The following CSMD1 variants were observed in gnomAD, a reference collection of about 807,000 sequenced individuals.
The protein encoded by CSMD1 is CUB and Sushi multiple domains 1.
CSMD1 carries 213 observed loss-of-function variants against 417.5 expected under a neutral mutation model. The ratio of observed to expected loss-of-function variants is 0.51; its 90% confidence interval spans 0.46 to 0.57. The LOEUF (loss-of-function observed/expected upper bound fraction) is 0.57, where lower values mean the gene tolerates loss of function less well. Among genes scored for constraint, CSMD1 ranks in the 20% least tolerant of loss-of-function variants. CSMD1 has a pLI of 0.00. For missense variants in CSMD1, 6,923 were observed against 4,529.7 expected (o/e 1.53, Z -15.17); for synonymous variants, 2,862 against 1,736.8 (o/e 1.65, Z -16.11).
intron 5 of CSMD1, among the ~76,000 whole-genome samples, chr8:3,812,910 A>C (rs1801163120): frequency 6.6e-6 from 1 of 152,156 alleles, no homozygotes; most frequent in African/African-American, 2.4e-5. Context: ...GGCTGTGATA[A>C]TGTGTTTTGT....
At chr8:3,128,988 T>C (rs1383434805) in intron 41 of CSMD1, 1 of 391,930 alleles carries the variant, frequency 2.6e-6, no homozygotes, top group Non-Finnish European at 5.0e-6. Context: ...AGCATGGAGT[T>C]AAGTGTGAAG....
At chr8:3,645,193 G>C (rs888444734) in intron 7 of CSMD1, among the ~76,000 whole-genome samples, 3 of 151,960 alleles carry the variant, frequency 2.0e-5, no homozygotes, top group African/African-American at 7.3e-5. Flanking sequence ...CTGAGTCCTG[G>C]GCCATGCAAG....
At chr8:4,840,752 C>G (rs899932396) in intron 1 of CSMD1, among the ~76,000 whole-genome samples, 1 of 152,120 alleles carries the variant, frequency 6.6e-6, no homozygotes, top group Non-Finnish European at 1.5e-5. Context: ...TCTTTGCCCA[C>G]TAATAGACAA....
chr8:4,041,115 C>A (rs1391593039), intron 3 of CSMD1, among the ~76,000 whole-genome samples: 2 of 145,634 alleles, frequency 1.4e-5, no homozygotes, highest in African/African-American at 2.6e-5. Flanking sequence ...CTCCCGGGTT[C>A]CCGCCATTCT....
At chr8:3,173,258 T>C (rs115025388) in intron 37 of CSMD1, among the ~76,000 whole-genome samples, 2,380 of 152,286 alleles carry the variant, frequency 0.016, 41 homozygotes, top group Middle Eastern at 0.044. Context: ...CAAATAAATA[T>C]TGAATGCCTA....
intron 7 of CSMD1, among the ~76,000 whole-genome samples, chr8:3,623,183 A>G (rs1282843638): frequency 6.6e-6 from 1 of 152,228 alleles, no homozygotes; most frequent in African/African-American, 2.4e-5. Context: ...TTAAAAGTAT[A>G]AATTACATAT....
rs1585159949 is a variant in CSMD1 at position 3,018,522 on chromosome 8, A to T, written c.7984T>A (p.Cys2662Ser). The T allele has an allele frequency of 6.2e-7, 1 of 1,613,728 alleles. No individual in the cohort carries two copies. The highest frequency in any genetic ancestry group is 8.5e-7 in the Non-Finnish European group (1 of 1,179,834). ...YTLVGSHVRECLANGLWSGSE... is the reference protein window; with the variant it reads ...YTLVGSHVRESLANGLWSGSE... ...CCGCTCCAGAGCCCATTTGCCAAGC[A>T]CTCTCTGACATGAGACCCCACAAGC... Residue 2662 changes from cysteine to serine, a missense_variant, in exon 52 of 70, where the codon TGC becomes AGC. By Grantham distance (112) the Cys-to-Ser change is moderately radical. Coordinates refer to ENST00000635120, the MANE Select transcript of CSMD1 (RefSeq NM_033225.6).
At chr8:3,275,298 G>A (rs1308692526) in intron 26 of CSMD1, among the ~76,000 whole-genome samples, 4 of 152,146 alleles carry the variant, frequency 2.6e-5, no homozygotes, top group East Asian at 3.9e-4. Flanking sequence ...CAAGAGATCT[G>A]CTGTTAGTCT....
At chr8:4,838,219 C>T (rs1276625137) in intron 1 of CSMD1, among the ~76,000 whole-genome samples, 1 of 152,138 alleles carries the variant, frequency 6.6e-6, no homozygotes, top group African/African-American at 2.4e-5. Context: ...TTGAGATCTC[C>T]TTAGGGTTTC....
chr8:4,248,964 A>G (rs921352975), intron 3 of CSMD1, among the ~76,000 whole-genome samples: 2 of 152,180 alleles, frequency 1.3e-5, no homozygotes, highest in African/African-American at 4.8e-5. Context: ...TGCTACTTTT[A>G]ATATCATAAT....
intron 3 of CSMD1, among the ~76,000 whole-genome samples, chr8:4,049,073 G>A (rs1315554432): frequency 2.0e-5 from 3 of 152,046 alleles, no homozygotes; most frequent in Admixed American, 2.0e-4. Flanking sequence ...TTCATGGTTA[G>A]GAATTGCCTC....
intron 3 of CSMD1, among the ~76,000 whole-genome samples, chr8:4,241,453 T>C (rs1012570027): frequency 6.6e-6 from 1 of 152,188 alleles, no homozygotes; most frequent in Non-Finnish European, 1.5e-5. Context: ...AGTCACTACA[T>C]CTCCAACTGC....
intron 3 of CSMD1, among the ~76,000 whole-genome samples, chr8:4,321,703 G>A (rs939834095): frequency 1.3e-5 from 2 of 152,132 alleles, no homozygotes; most frequent in African/African-American, 4.8e-5. Flanking sequence ...AGGAATCAAT[G>A]TCTTTGTTGA....
chr8:4,560,049 C>A (rs538972858), intron 2 of CSMD1, among the ~76,000 whole-genome samples: 2 of 152,304 alleles, frequency 1.3e-5, no homozygotes, highest in East Asian at 1.9e-4. Flanking sequence ...CACCTGCCAC[C>A]CTTGGGGTCC....
rs112544900 is a variant in CSMD1 at position 4,029,594 on chromosome 8, G to A, written c.610+2311C>T. Among the ~76,000 whole-genome samples, 442 of 152,154 alleles carry A rather than the reference G, an allele frequency of 2.9e-3. 3 individuals carry two copies. The highest frequency in any genetic ancestry group is 0.01 in the African/African-American group (421 of 41,502). On this transcript the variant is annotated intron_variant, in intron 4 of 69. Transcript: ENST00000635120. ...CTTCCTCCCACATGTGAGAATTGTG[G>A]GAGCTGCAATTCAAGATGAGGTTTT...
chr8:4,317,731 T>C (rs1799017319), intron 3 of CSMD1, among the ~76,000 whole-genome samples: 1 of 152,148 alleles, frequency 6.6e-6, no homozygotes, highest in African/African-American at 2.4e-5. Context: ...CTCAGCTGAG[T>C]ACATGTCTGT....
intron 1 of CSMD1, among the ~76,000 whole-genome samples, chr8:4,866,053 C>T (rs1563625681): frequency 1.3e-5 from 2 of 151,902 alleles, no homozygotes. Flanking sequence ...CAGTTTTTGA[C>T]ACCTTAATGG....
At chr8:2,979,366 C>G (rs1805208271) in intron 54 of CSMD1, among the ~76,000 whole-genome samples, 2 of 152,226 alleles carry the variant, frequency 1.3e-5, no homozygotes, top group South Asian at 4.1e-4. Flanking sequence ...CTTTTAGAAA[C>G]AGGTCCGTGG....
rs539602151 is a variant in CSMD1, at chr8:4,830,748, G to A, written c.85+163584C>T. ...GTATCTTCGCTTAATTGGAACCATT[G>A]GACTTTAAGAAATATAAGCATAGGT... On this transcript the variant is annotated intron_variant, in intron 1 of 69. Transcript: ENST00000635120. Among the ~76,000 whole-genome samples, 29 of 152,250 alleles carry A rather than the reference G, an allele frequency of 1.9e-4. No individual in the cohort carries two copies. The South Asian group carries it at 6.0e-3, about 32-fold the overall frequency.
Sources: gnomAD v4.1 joint callset for allele counts (sites outside exome capture counted in the v4.1 genomes callset) on GRCh38, gnomAD v4.1.1 for gene constraint, MANE v1.5 for transcripts, NCBI Gene and HGNC (gene_info 2026-07-23, HGNC 2026-07-21) for gene names.